The following ZNF566 variants were observed in gnomAD, a reference collection of about 807,000 sequenced individuals.
ZNF566 encodes zinc finger protein 566.
Under a neutral mutation model 32.8 loss-of-function variants are expected in ZNF566, and 27 were observed. That is an observed-to-expected ratio of 0.82 (90% CI 0.61 to 1.14). The LOEUF (loss-of-function observed/expected upper bound fraction) is 1.14. Among genes scored for constraint, ZNF566 ranks in the 50% most tolerant of loss-of-function variants. The probability of loss-of-function intolerance (pLI) is 0.00; values close to 1 mark genes in which losing one functional copy is unlikely to be tolerated. For synonymous variants in ZNF566, 154 were observed against 159.5 expected (o/e 0.97, Z 0.26); for missense variants, 402 against 490.4 (o/e 0.82, Z 1.70).
At chr19:36,471,741 A>G (rs899008812) in intron 4 of ZNF566, among the ~76,000 whole-genome samples, 2 of 151,686 alleles carry the variant, frequency 1.3e-5, no homozygotes, top group African/African-American at 2.4e-5. Flanking sequence ...GAGATTATGC[A>G]TGTTCTTTTT....
intron 4 of ZNF566, among the ~76,000 whole-genome samples, chr19:36,459,819 C>CTT (rs77529506): frequency 5.9e-5 from 8 of 135,256 alleles, no homozygotes; most frequent in Admixed American, 2.3e-4. Flanking sequence ...CCACCTATTA[C>CTT]TTTTTTTTTT....
chr19:36,462,986 A>AAAAAAAAAAAAAAAAAAC (rs1444861675), intron 4 of ZNF566, among the ~76,000 whole-genome samples: 1 of 136,136 alleles, frequency 7.3e-6, no homozygotes, highest in African/African-American at 2.8e-5. Flanking sequence ...AAAAAAAAAA[A>AAAAAAAAAAAAAAAAAAC]AAAATCCCAT....
intron 4 of ZNF566, among the ~76,000 whole-genome samples, chr19:36,450,535 T>C (rs796792312): frequency 1.3e-5 from 2 of 152,140 alleles, no homozygotes; most frequent in South Asian, 2.1e-4. Flanking sequence ...TCCCAGCTAC[T>C]GGGGAGGCCG....
At chr19:36,472,479 G>A (rs1164467244) in intron 4 of ZNF566, among the ~76,000 whole-genome samples, 1 of 152,090 alleles carries the variant, frequency 6.6e-6, no homozygotes, top group Non-Finnish European at 1.5e-5. Flanking sequence ...GTAAATGTTG[G>A]TAAAAAATAT....
chr19:36,453,666 A>C (rs2033227699), intron 4 of ZNF566, among the ~76,000 whole-genome samples: 2 of 151,040 alleles, frequency 1.3e-5, no homozygotes, highest in South Asian at 4.2e-4. Context: ...AAGTTAAGCT[A>C]TTATTATTAT....
intron 1 of ZNF566, among the ~76,000 whole-genome samples, chr19:36,477,537 G>GTTTTTTTTTTT (rs754474326): frequency 1.2e-5 from 1 of 82,786 alleles, no homozygotes; most frequent in African/African-American, 4.3e-5. Flanking sequence ...TTTTTTTTTT[G>GTTTTTTTTTTT]TTTGTTTGTT....
rs377525281 is a variant in ZNF566, at chr19:36,454,555, A to AAAC, written c.233-4557_233-4555dup. Among the ~76,000 whole-genome samples the AAAC allele has an allele frequency of 9.4e-4, 143 of 152,276 alleles. 1 individual carries two copies. Among genetic ancestry groups the AAAC allele is most frequent in the African/African-American group, 2.8e-3 (118 of 41,548 alleles). Reference sequence around the variant, plus strand: ...GCAATAGAGGGAGACCTCATCTTTAAAACAACAACAACAACACAAAAGAAG... The same window carrying AAAC: ...GCAATAGAGGGAGACCTCATCTTTAAAACAACAACAACAACAACACAAAAGAAG... On this transcript the variant is annotated intron_variant, in intron 4 of 4. Transcript: ENST00000452939.
At chr19:36,452,688 A>C (rs2033187392) in intron 4 of ZNF566, among the ~76,000 whole-genome samples, 1 of 152,038 alleles carries the variant, frequency 6.6e-6, no homozygotes, top group Admixed American at 6.6e-5. Flanking sequence ...CATCAAAAAG[A>C]GTTCTTCAAG....
In ZNF566 at chr19:36,449,188, C is replaced by T. The variant is rs762176012; in HGVS notation, c.1046G>A (p.Arg349His). The change falls in exon 5 of 5, where the codon CGT becomes CAT. Residue 349 changes from arginine (R) to histidine (H), a missense_variant. Transcript: ENST00000452939. ...ATGTCTAGTAAGGTCTGAGCCAGAA[C>T]GAAAAGCCTTTTCACATTCCTTACA... ...YECKECEKAF[R>H]SGSDLTRHQR... is the part of the protein sequence containing the mutation. 1.3e-5 allele frequency: 21 copies of T among 1,613,484 alleles called. No homozygotes were observed. The highest frequency in any genetic ancestry group is 5.4e-5 in the African/African-American group (4 of 74,762).
intron 2 of ZNF566, 30 bp from the exon 3 acceptor site, chr19:36,473,488 T>A (rs1258363547): frequency 3.3e-6 from 5 of 1,505,348 alleles, no homozygotes; most frequent in Non-Finnish European, 2.7e-6. Flanking sequence ...TATGACTTCA[T>A]TAATTTTTTA....
intron 4 of ZNF566, among the ~76,000 whole-genome samples, chr19:36,457,160 AG>A (rs2033337422): frequency 1.3e-5 from 2 of 152,248 alleles, no homozygotes; most frequent in Admixed American, 1.3e-4. Context: ...GGGAAAAGAC[AG>A]TTCAATAAAT....
At chr19:36,459,656 A>G (rs908571867) in intron 4 of ZNF566, among the ~76,000 whole-genome samples, 8 of 151,128 alleles carry the variant, frequency 5.3e-5, no homozygotes, top group African/African-American at 2.0e-4. Context: ...GATTACAGGC[A>G]TGCGCCACCA....
intron 1 of ZNF566, among the ~76,000 whole-genome samples, chr19:36,477,193 G>A (rs1203007512): frequency 6.7e-6 from 1 of 149,256 alleles, no homozygotes; most frequent in Non-Finnish European, 1.5e-5. Context: ...TGTATTTTTA[G>A]TAGTGATGGG....
intron 1 of ZNF566, among the ~76,000 whole-genome samples, chr19:36,478,632 AAAG>A (rs1480339282): frequency 6.8e-6 from 1 of 147,174 alleles, no homozygotes; most frequent in Non-Finnish European, 1.5e-5. Flanking sequence ...AAAAAAAAAA[AAAG>A]TCTCACGAAA....
intron 1 of ZNF566, among the ~76,000 whole-genome samples, chr19:36,487,089 CA>C (rs930555456): frequency 4.3e-4 from 20 of 46,856 alleles, no homozygotes; most frequent in East Asian, 1.8e-3. Context: ...GACTCCGTCT[CA>C]AAAAAAAAAA....
At chr19:36,464,752 T>C (rs1212853332) in intron 4 of ZNF566, among the ~76,000 whole-genome samples, 1 of 151,948 alleles carries the variant, frequency 6.6e-6, no homozygotes. Context: ...CTAGCCTGGG[T>C]GACTTTTTCT....
intron 1 of ZNF566, among the ~76,000 whole-genome samples, chr19:36,479,342 C>T (rs548740089): frequency 6.6e-6 from 1 of 152,122 alleles, no homozygotes; most frequent in South Asian, 2.1e-4. Flanking sequence ...CATAGAAAAT[C>T]CTAAATAATA....
At chr19:36,472,786 T>G (rs1256246638) in intron 4 of ZNF566, 125 bp downstream of exon 4, 11 of 693,794 alleles carry the variant, frequency 1.6e-5, no homozygotes, top group Admixed American at 7.4e-5. Flanking sequence ...TGAAAGCTCA[T>G]GTAGAAAAGG....
chr19:36,449,828 C>G lies in ZNF566; in HGVS notation c.406G>C (p.Gly136Arg). The change falls in exon 5 of 5, where the codon GGG becomes CGG. Residue 136 changes from glycine to arginine, a missense_variant. Coordinates refer to ENST00000452939, the MANE Select transcript of ZNF566 (RefSeq NM_001145344.1). ...AATACCAATTGATTGAAATGTCCCC[C>G]CTGAGAGCCGAGTTCTTTCTTAAAC... The part of the protein sequence containing the change: ...RQFKKELGSQ[G>R]GHFNQLVFTH... 6.2e-7 allele frequency: 1 copy of G among 1,614,134 alleles called. No individual in the cohort carries two copies. Among genetic ancestry groups the G allele is most frequent in the Non-Finnish European group, 8.5e-7 (1 of 1,180,018 alleles).
Sources: allele counts gnomAD v4.1 joint callset (sites outside exome capture counted in the v4.1 genomes callset), GRCh38; gene constraint gnomAD v4.1.1; transcripts MANE v1.5; gene names NCBI Gene and HGNC (gene_info 2026-07-23, HGNC 2026-07-21).